Variants in BIN2 observed in about 807,000 individuals in gnomAD.
The protein encoded by BIN2 is breast cancer associated protein BRAP1.
In BIN2, 43 loss-of-function variants were observed where a neutral mutation model predicts 67.9. The ratio of observed to expected loss-of-function variants is 0.63; its 90% CI spans 0.50 to 0.82. BIN2 has a LOEUF of 0.82. BIN2 is among the 40% of genes least tolerant of loss of function. The pLI is 0.00. For synonymous variants in BIN2, 244 were observed against 246.8 expected, an observed-to-expected ratio of 0.99 and a Z score of 0.11; for missense variants, 581 against 671.6, an observed-to-expected ratio of 0.87 and a Z score of 1.49.
At chr12:51,305,826 C>CTTTTTTTTTTTTTT (rs1168899685) in intron 2 of BIN2, among the ~76,000 whole-genome samples, 4 of 82,436 alleles carry the variant, frequency 4.9e-5, no homozygotes, top group East Asian at 4.5e-4. Context: ...TGTTTTCTTT[C>CTTTTTTTTTTTTTT]TTTTTTTTTT....
rs572570940 is a variant in BIN2 at position 51,297,195 on chromosome 12, G to T, written c.603-31C>A. ...AGGAAGCAAAACCACAAACACATACGAGTAAGGCATGGGAAAGGAGTTCTT... is the reference window on the plus strand; with the variant it reads ...AGGAAGCAAAACCACAAACACATACTAGTAAGGCATGGGAAAGGAGTTCTT... On this transcript the variant is annotated intron_variant, in intron 7 of 12. Transcript: ENST00000615107. The T allele has an allele frequency of 1.6e-5, 25 of 1,582,984 alleles. No homozygotes were observed. In the East Asian group the frequency reaches 5.6e-4, roughly 35 times the overall value.
At chr12:51,289,123 G>A (rs1216689275) in intron 10 of BIN2, among the ~76,000 whole-genome samples, 1 of 152,014 alleles carries the variant, frequency 6.6e-6, no homozygotes, top group East Asian at 1.9e-4. Context: ...TCAGCCCCTT[G>A]TGTCTCCTTT....
chr12:51,306,864 T>C (rs941358127), intron 2 of BIN2, among the ~76,000 whole-genome samples: 3 of 152,230 alleles, frequency 2.0e-5, no homozygotes, highest in African/African-American at 7.2e-5. Flanking sequence ...TTAGATAGCC[T>C]AACATGTTAA....
intron 12 of BIN2, among the ~76,000 whole-genome samples, chr12:51,283,064 G>A (rs1945150907): frequency 6.7e-6 from 1 of 149,668 alleles, no homozygotes; most frequent in African/African-American, 2.5e-5. Flanking sequence ...AGATCAGCCT[G>A]ACCAACATGG....
intron 2 of BIN2, among the ~76,000 whole-genome samples, chr12:51,313,320 G>T (rs911471961): frequency 6.6e-5 from 10 of 151,168 alleles, no homozygotes; most frequent in African/African-American, 2.2e-4. Context: ...CAAGAAAAAA[G>T]GTAAATTCCT....
chr12:51,319,063 T>G (rs753998551), intron 1 of BIN2, among the ~76,000 whole-genome samples: 1 of 152,178 alleles, frequency 6.6e-6, no homozygotes, highest in Non-Finnish European at 1.5e-5. Context: ...AAAACCACCT[T>G]GTTAGTGGTA....
intron 11 of BIN2, among the ~76,000 whole-genome samples, chr12:51,286,752 T>C (rs1006123912): frequency 1.6e-4 from 24 of 152,324 alleles, no homozygotes; most frequent in African/African-American, 5.3e-4. Flanking sequence ...TCTCCACATG[T>C]CCTGCCTATC....
At chr12:51,295,392 C>CA (rs1178848004) in intron 9 of BIN2, among the ~76,000 whole-genome samples, 1,569 of 91,710 alleles carry the variant, frequency 0.017, 35 homozygotes, top group East Asian at 0.1. Flanking sequence ...ACTAAAAATA[C>CA]AAAAAAAAAA....
intron 2 of BIN2, among the ~76,000 whole-genome samples, chr12:51,306,772 G>A (rs1274527001): frequency 6.6e-6 from 1 of 152,206 alleles, no homozygotes; most frequent in Non-Finnish European, 1.5e-5. Context: ...GATTCAGTCA[G>A]TTAACAAAAT....
In BIN2 at chr12:51,313,866, T is replaced by C; in HGVS notation, c.119A>G (p.Asp40Gly). The change falls in exon 2 of 13, where the codon GAT becomes GGT. Residue 40 changes from aspartate (D) to glycine (G), a missense_variant. Physicochemically the swap from Asp to Gly is moderately conservative, Grantham distance 94. Transcript: ENST00000615107. ...QKLGKAVETK[D>G]ERFEQSASNF... ...GCTAGCGCTTTGTTCAAATCGTTCA[T>C]CTTTGGTTTCTACAGCTTTCCCCAA... The C allele has an allele frequency of 6.2e-7, 1 of 1,614,042 alleles. No homozygotes were observed. Among genetic ancestry groups the C allele is most frequent in the Non-Finnish European group, 8.5e-7 (1 of 1,179,938 alleles).
intron 1 of BIN2, 66 bp downstream of exon 1, chr12:51,323,956 C>T: frequency 1.9e-6 from 3 of 1,585,656 alleles, no homozygotes; most frequent in South Asian, 2.3e-5. Context: ...CCCTCCTGCC[C>T]GGCCGGGCTC....
upstream of BIN2, chr12:51,324,216 C>T: frequency 6.8e-7 from 1 of 1,480,248 alleles, no homozygotes; most frequent in Non-Finnish European, 8.9e-7. Flanking sequence ...CAGCCCTGAG[C>T]CACCTCAGGC....
intron 2 of BIN2, among the ~76,000 whole-genome samples, chr12:51,305,632 A>G (rs1159203583): frequency 1.3e-5 from 2 of 151,796 alleles, no homozygotes; most frequent in African/African-American, 2.4e-5. Context: ...TCAAAAAAAA[A>G]AAAAATGAGA....
chr12:51,299,466 A>G, intron 6 of BIN2, 141 bp downstream of exon 6: 1 of 983,060 alleles, frequency 1.0e-6, no homozygotes, highest in East Asian at 2.4e-5. Flanking sequence ...CATCAGTGTC[A>G]GAAGAAACAG....
intron 1 of BIN2, 58 bp downstream of exon 1, chr12:51,323,964 C>T (rs1946360798): frequency 1.3e-6 from 2 of 1,595,618 alleles, no homozygotes; most frequent in Non-Finnish European, 8.5e-7. Flanking sequence ...CCCGGCCGGG[C>T]TCGGCCTCGG....
chr12:51,299,503 A>G (rs375109536), intron 6 of BIN2, 104 bp downstream of exon 6: 13 of 1,121,892 alleles, frequency 1.2e-5, no homozygotes, highest in South Asian at 5.0e-5. Flanking sequence ...TGGATGCTGA[A>G]TTTATAATTT....
intron 3 of BIN2, 44 bp from the exon 4 acceptor site, chr12:51,302,824 G>C: frequency 6.7e-7 from 1 of 1,485,054 alleles, no homozygotes; most frequent in Non-Finnish European, 9.4e-7. Flanking sequence ...TTCCCCAACA[G>C]TAGTTGGTGT....
At chr12:51,296,621 T>C (rs780709313) in intron 8 of BIN2, among the ~76,000 whole-genome samples, 11 of 152,178 alleles carry the variant, frequency 7.2e-5, no homozygotes, top group Non-Finnish European at 1.0e-4. Flanking sequence ...AATGTTGTAG[T>C]AGCAAAGAAT....
intron 12 of BIN2, among the ~76,000 whole-genome samples, chr12:51,282,877 TA>T (rs1213925867): frequency 6.6e-6 from 1 of 151,978 alleles, no homozygotes; most frequent in Non-Finnish European, 1.5e-5. Flanking sequence ...GTGCTGGGAT[TA>T]CTGGCATGAA....
Sources: allele counts gnomAD v4.1 joint callset (sites outside exome capture counted in the v4.1 genomes callset), GRCh38; gene constraint gnomAD v4.1.1; transcripts MANE v1.5; gene names NCBI Gene and HGNC (gene_info 2026-07-23, HGNC 2026-07-21).